PCDH15: variants seen among roughly 807,000 people sequenced by gnomAD.
PCDH15 encodes protocadherin-15.
In PCDH15, 129 loss-of-function variants were observed where a neutral mutation model predicts 178.5. The ratio of observed to expected loss-of-function variants is 0.72; its 90% confidence interval spans 0.63 to 0.84. PCDH15 has a LOEUF of 0.84. PCDH15 is among the 40% of genes least tolerant of loss of function. PCDH15 has a pLI of 0.00. For synonymous variants in PCDH15, 800 were observed against 732.0 expected, an observed-to-expected ratio of 1.09 and a Z score of -1.50; for missense variants, 2,230 against 2,099.9, an observed-to-expected ratio of 1.06 and a Z score of -1.21.
chr10:55,353,121 C>T (rs1844984655), intron 2 of PCDH15, among the ~76,000 whole-genome samples: 5 of 152,276 alleles, frequency 3.3e-5, no homozygotes, highest in Admixed American at 3.3e-4. Flanking sequence ...CCGACTACCA[C>T]TTCTTCAAGC....
At chr10:53,827,009 T>C (rs1448058047) in intron 32 of PCDH15, among the ~76,000 whole-genome samples, 1 of 151,972 alleles carries the variant, frequency 6.6e-6, no homozygotes, top group Non-Finnish European at 1.5e-5. Flanking sequence ...GCTTTATTTC[T>C]CTCGTCTCCT....
intron 1 of PCDH15, among the ~76,000 whole-genome samples, chr10:55,193,340 C>A (rs919367178): frequency 6.6e-6 from 1 of 151,834 alleles, no homozygotes; most frequent in African/African-American, 2.4e-5. Context: ...AGATTTCAAG[C>A]CAGCTGTTGT....
At chr10:55,437,928 C>G (rs563496545) in intron 2 of PCDH15, among the ~76,000 whole-genome samples, 1 of 149,320 alleles carries the variant, frequency 6.7e-6, no homozygotes, top group Non-Finnish European at 1.5e-5. Context: ...ACCTCTGCCT[C>G]CCGGGTTCAA....
intron 15 of PCDH15, among the ~76,000 whole-genome samples, chr10:54,091,113 T>C (rs767073160): frequency 1.3e-5 from 2 of 152,162 alleles, no homozygotes; most frequent in Non-Finnish European, 2.9e-5. Context: ...AGTTTTACCT[T>C]AAAAAACATC....
intron 2 of PCDH15, among the ~76,000 whole-genome samples, chr10:55,554,958 C>T: frequency 6.6e-6 from 1 of 152,036 alleles, no homozygotes; most frequent in East Asian, 1.9e-4. Flanking sequence ...TCATGTTTTA[C>T]CCCTGAAAAG....
chr10:54,951,052 G>C (rs1472358302), intron 2 of PCDH15, among the ~76,000 whole-genome samples: 2 of 151,614 alleles, frequency 1.3e-5, no homozygotes, highest in Non-Finnish European at 2.9e-5. Context: ...GTTTAAATTG[G>C]TGAGCCAATA....
chr10:54,251,757 T>C (rs2056492271), intron 8 of PCDH15, among the ~76,000 whole-genome samples: 1 of 152,124 alleles, frequency 6.6e-6, no homozygotes, highest in Admixed American at 6.6e-5. Context: ...TTGTTTAGAG[T>C]CGCAGCTTTG....
intron 2 of PCDH15, among the ~76,000 whole-genome samples, chr10:54,557,812 T>G (rs2087501882): frequency 6.6e-6 from 1 of 152,144 alleles, no homozygotes; most frequent in African/African-American, 2.4e-5. Flanking sequence ...GTGATAAATC[T>G]AGTATTCCCA....
At chr10:54,874,411 T>C (rs927536676) in intron 3 of PCDH15, among the ~76,000 whole-genome samples, 34 of 150,318 alleles carry the variant, frequency 2.3e-4, no homozygotes, top group African/African-American at 6.9e-4. Context: ...TTTGCTATTG[T>C]GAATAATGCT....
chr10:55,529,798 A>C (rs891276930), intron 2 of PCDH15, among the ~76,000 whole-genome samples: 1 of 138,642 alleles, frequency 7.2e-6, no homozygotes, highest in African/African-American at 2.6e-5. Context: ...ACAAATACAT[A>C]TATGTTTTTG....
At chr10:55,292,633 C>T (rs1325677035) in intron 1 of PCDH15, among the ~76,000 whole-genome samples, 1 of 152,282 alleles carries the variant, frequency 6.6e-6, no homozygotes, top group East Asian at 1.9e-4. Context: ...CTACCCACCT[C>T]GGCCTTCCAA....
chr10:55,237,033 C>CTAG (rs1228627395), intron 1 of PCDH15, among the ~76,000 whole-genome samples: 2 of 151,992 alleles, frequency 1.3e-5, no homozygotes, highest in Admixed American at 6.6e-5. Context: ...ATCAAACAGG[C>CTAG]TAGTGTTTGA....
chr10:54,412,970 C>A (rs1953776243), intron 3 of PCDH15, among the ~76,000 whole-genome samples: 1 of 152,164 alleles, frequency 6.6e-6, no homozygotes, highest in African/African-American at 2.4e-5. Flanking sequence ...GGCTACACAG[C>A]CTGTTGATGC....
At chr10:53,808,657 C>A (rs1035660191) in intron 37 of PCDH15, 2 of 1,595,588 alleles carry the variant, frequency 1.3e-6, no homozygotes, top group South Asian at 2.3e-5. Context: ...CGAGAGCACT[C>A]ATCACAGCAA....
intron 2 of PCDH15, among the ~76,000 whole-genome samples, chr10:54,532,739 C>T (rs962036424): frequency 1.3e-4 from 20 of 151,150 alleles, no homozygotes; most frequent in Non-Finnish European, 2.8e-4. Flanking sequence ...TTGTTTCATT[C>T]AATGTCATTT....
At chr10:55,022,060 T>G (rs908294035) in intron 2 of PCDH15, among the ~76,000 whole-genome samples, 15 of 151,918 alleles carry the variant, frequency 9.9e-5, no homozygotes, top group African/African-American at 2.7e-4. Flanking sequence ...AATGGGAAGG[T>G]GTTGGTCAAT....
chr10:55,474,490 A>G (rs1048307467), intron 2 of PCDH15, among the ~76,000 whole-genome samples: 1 of 152,202 alleles, frequency 6.6e-6, no homozygotes, highest in Admixed American at 6.5e-5. Context: ...TTCCTGAGTT[A>G]GCTAATAGGG....
chr10:53,981,045 T>A (rs1472391025), intron 21 of PCDH15, among the ~76,000 whole-genome samples: 2 of 152,232 alleles, frequency 1.3e-5, no homozygotes, highest in East Asian at 1.9e-4. Context: ...TTTACTCATA[T>A]CTGTATTAAC....
intron 3 of PCDH15, among the ~76,000 whole-genome samples, chr10:54,405,409 T>C (rs940577873): frequency 6.6e-6 from 1 of 152,030 alleles, no homozygotes; most frequent in Non-Finnish European, 1.5e-5. Flanking sequence ...TGGAGGTAGT[T>C]ATCCTTGGCA....
Sources: gnomAD v4.1 joint callset for allele counts (sites outside exome capture counted in the v4.1 genomes callset) on GRCh38, gnomAD v4.1.1 for gene constraint, MANE v1.5 for transcripts, NCBI Gene and HGNC (gene_info 2026-07-23, HGNC 2026-07-21) for gene names.